Variants in USP42 observed in about 807,000 individuals in gnomAD.
USP42 encodes ubiquitin carboxyl-terminal hydrolase 42.
Under a neutral mutation model 113.0 loss-of-function variants are expected in USP42, and 23 were observed. That is an observed-to-expected ratio of 0.20 (90% CI 0.15 to 0.29). The LOEUF is 0.29. USP42 is among the 10% of genes least tolerant of loss of function. USP42 has a pLI of 1.00. For synonymous variants in USP42, 933 were observed against 699.0 expected (o/e 1.33, Z -5.28); for missense variants, 2,174 against 1,779.8 (o/e 1.22, Z -3.99).
chr7:6,085,308 G>A, the USP42 span: 6 of 148,782 alleles, frequency 4.0e-5, no homozygotes, highest in African/African-American at 1.5e-4. Flanking sequence ...TTAGTTTTTA[G>A]TAGAGATGGG....
chr7:6,081,541 A>ACG, the USP42 span: 3 of 151,808 alleles, frequency 2.0e-5, no homozygotes, highest in African/African-American at 7.3e-5. Context: ...CGCCCCACCC[A>ACG]CGCGCGCGCC....
chr7:6,155,063 G>A lies in USP42; in HGVS notation c.3509G>A (p.Ser1170Asn). ...RKRRHDSVEN[S>N]DSHVEKKARR... is the part of the protein sequence containing the mutation. ...CGGAGACACGACAGTGTGGAGAACAGTGACAGTCATGTTGAAAAGAAAGCC... is the reference window on the plus strand; with the variant it reads ...CGGAGACACGACAGTGTGGAGAACAATGACAGTCATGTTGAAAAGAAAGCC... The change falls in exon 15 of 18, where the codon AGT (serine) becomes AAT (asparagine). Residue 1170 changes from serine (S) to asparagine (N), a missense_variant. Transcript: ENST00000306177. 1.9e-6 allele frequency: 3 copies of A among 1,563,606 alleles called. No individual in the cohort carries two copies. The highest frequency in any genetic ancestry group is 2.6e-6 in the Non-Finnish European group (3 of 1,154,030).
chr7:6,141,743 AT>A (rs1198955147), intron 7 of USP42, among the ~76,000 whole-genome samples: 1 of 151,734 alleles, frequency 6.6e-6, no homozygotes, highest in Non-Finnish European at 1.5e-5. Context: ...TGAATTCCTA[AT>A]TTTTTTGTTG....
rs1779401125 is a variant in USP42 at position 6,108,223 on chromosome 7, G to GTAACAAA, written c.-9-2901_-9-2895dup. On this transcript the variant is annotated intron_variant, in intron 1 of 17. Transcript: ENST00000306177. ...AAACAAACAAACAAAAAAATTACAA[G>GTAACAAA]TAACAAAATTGATGCTTTTAAAAAA... Among the ~76,000 whole-genome samples, 3 of 152,126 alleles carry GTAACAAA rather than the reference G, an allele frequency of 2.0e-5. 1 individual carries two copies. The highest frequency in any genetic ancestry group is 2.0e-4 in the Admixed American group (3 of 15,266).
At chr7:6,087,407 G>C in the USP42 span, among the ~76,000 whole-genome samples, 2 of 137,068 alleles carry the variant, frequency 1.5e-5, no homozygotes, top group Admixed American at 1.6e-4. Flanking sequence ...TGTGATCATA[G>C]CTCACTGTAG....
At chr7:6,102,905 G>C (rs1343243208), upstream of USP42, among the ~76,000 whole-genome samples, 1 of 151,122 alleles carries the variant, frequency 6.6e-6, no homozygotes, top group African/African-American at 2.5e-5. Flanking sequence ...TGCAGCAACA[G>C]AGAAGAGACT....
At chr7:6,138,763 C>T (rs548404282) in intron 4 of USP42, among the ~76,000 whole-genome samples, 2 of 152,302 alleles carry the variant, frequency 1.3e-5, no homozygotes, top group South Asian at 4.1e-4. Context: ...ACTGTGTGTG[C>T]ATGGGATCCA....
intron 3 of USP42, 32 bp downstream of exon 3, chr7:6,115,555 T>C (rs961784082): frequency 2.4e-5 from 39 of 1,608,402 alleles, no homozygotes; most frequent in Admixed American, 3.4e-5. Context: ...TGTAGTATTG[T>C]AGTGCGCTAA....
At chr7:6,140,737 A>C (rs1781385400) in intron 6 of USP42, among the ~76,000 whole-genome samples, 177 bp from the exon 7 acceptor site, 1 of 152,220 alleles carries the variant, frequency 6.6e-6, no homozygotes, top group African/African-American at 2.4e-5. Flanking sequence ...GGCCAAATTC[A>C]TTACACTTTT....
At chr7:6,115,181 G>A in intron 2 of USP42, 142 bp from the exon 3 acceptor site, 2 of 755,468 alleles carry the variant, frequency 2.6e-6, no homozygotes, top group South Asian at 1.8e-5. Flanking sequence ...CTTTTAAAAT[G>A]TCCCTCTTCC....
At chr7:6,123,877 C>T (rs533332407) in intron 3 of USP42, among the ~76,000 whole-genome samples, 21 of 142,234 alleles carry the variant, frequency 1.5e-4, no homozygotes, top group Admixed American at 5.6e-4. Context: ...TTTTTCGTAT[C>T]GTTTCTCTTT....
chr7:6,161,431 G>C lies in USP42; in HGVS notation c.*913G>C, dbSNP rs1782783479. On this transcript the variant is annotated 3_prime_UTR_variant, in exon 18 of 18. Transcript: ENST00000306177. ...AGTTTGTATCTGAATAATCTGTATG[G>C]TTTATACAGTTTGTGTTGTTCAGAG... The C allele has an allele frequency of 6.6e-6, 1 of 152,544 alleles. No homozygotes were observed. The highest frequency in any genetic ancestry group is 1.5e-5 in the Non-Finnish European group (1 of 68,022). 9.4% of individuals were successfully genotyped at this position (152,544 alleles called of 1,614,324 possible).
At chr7:6,153,726 C>T (rs1171568995) in intron 14 of USP42, 30 bp from the exon 15 acceptor site, 3 of 1,429,368 alleles carry the variant, frequency 2.1e-6, no homozygotes, top group Non-Finnish European at 2.8e-6. Flanking sequence ...CCCACGCTAA[C>T]GGGCGTGTTT....
chr7:6,125,417 G>A (rs1042458396), intron 3 of USP42, among the ~76,000 whole-genome samples: 2 of 152,010 alleles, frequency 1.3e-5, no homozygotes, highest in Non-Finnish European at 2.9e-5. Flanking sequence ...TTGAACCTTG[G>A]AAGCGGGGGT....
At chr7:6,095,650 C>T in the USP42 span, among the ~76,000 whole-genome samples, 2 of 151,106 alleles carry the variant, frequency 1.3e-5, no homozygotes, top group Non-Finnish European at 2.9e-5. Flanking sequence ...GCCTGGGCAA[C>T]AGTGCAAGAC....
Position 6,111,250 on chromosome 7 carries a change from T to C in USP42, c.117T>C (p.Gly39=). 1.2e-6 allele frequency: 2 copies of C among 1,608,296 alleles called. No homozygotes were observed. The highest frequency in any genetic ancestry group is 4.5e-5 in the East Asian group (2 of 44,786). The change falls in exon 2 of 18, where the codon GGT becomes GGC. Residue 39 remains glycine (G), a synonymous_variant. Coordinates refer to ENST00000306177, the MANE Select transcript of USP42 (RefSeq NM_032172.3). ...GDMDAGSASW[G]AVSSLNDVSN... ...TGGATGCAGGTTCTGCCAGCTGGGG[T>C]GCTGTGTCTTCATTGAATGATGTGT...
the USP42 span, among the ~76,000 whole-genome samples, chr7:6,092,036 T>TTCCTCC: frequency 1.0e-5 from 1 of 97,338 alleles, no homozygotes; most frequent in African/African-American, 4.3e-5. Context: ...CTTCTTCTTC[T>TTCCTCC]TCTTCTTCTT....
chr7:6,115,670 C>T, intron 3 of USP42, 147 bp downstream of exon 3: 4 of 977,124 alleles, frequency 4.1e-6, no homozygotes, highest in Non-Finnish European at 6.0e-6. Context: ...GAGGAGGACT[C>T]AGGATTGGGA....
chr7:6,123,233 G>C (rs1407079254), intron 3 of USP42, among the ~76,000 whole-genome samples: 1 of 152,116 alleles, frequency 6.6e-6, no homozygotes, highest in Admixed American at 6.6e-5. Flanking sequence ...GATAAATTTA[G>C]CCACCCCAAG....
Sources: allele counts gnomAD v4.1 joint callset (sites outside exome capture counted in the v4.1 genomes callset), GRCh38; gene constraint gnomAD v4.1.1; transcripts MANE v1.5; gene names NCBI Gene and HGNC (gene_info 2026-07-23, HGNC 2026-07-21).